The following GDPD4 variants were observed in gnomAD, a reference collection of about 807,000 sequenced individuals.
The protein encoded by GDPD4 is glycerophosphodiester phosphodiesterase 6.
A neutral mutation model predicts 67.8 loss-of-function variants in GDPD4; 60 were observed. The ratio of observed to expected loss-of-function variants is 0.88; its 90% CI spans 0.72 to 1.10. The LOEUF is 1.10. Ranked by LOEUF, GDPD4 falls within the 50% of genes least tolerant of loss-of-function variation. The probability of loss-of-function intolerance (pLI) is 0.00; values close to 1 mark genes in which losing one functional copy is unlikely to be tolerated. For missense variants in GDPD4, 623 were observed against 613.9 expected (o/e 1.01, Z -0.16); for synonymous variants, 212 against 210.9 (o/e 1.00, Z -0.04).
chr11:77,238,480 A>G (rs1366901833), intron 13 of GDPD4, among the ~76,000 whole-genome samples: 1 of 151,730 alleles, frequency 6.6e-6, no homozygotes, highest in Non-Finnish European at 1.5e-5. Context: ...GCTACTTGGG[A>G]GGCTGAGGCA....
chr11:77,299,121 C>T (rs1591590185), intron 1 of GDPD4, among the ~76,000 whole-genome samples: 1 of 152,166 alleles, frequency 6.6e-6, no homozygotes, highest in East Asian at 1.9e-4. Context: ...ACATTCCCAT[C>T]CTGGACCCTC....
At chr11:77,245,776 C>G (rs1157964962) in intron 11 of GDPD4, among the ~76,000 whole-genome samples, 2 of 152,174 alleles carry the variant, frequency 1.3e-5, no homozygotes, top group African/African-American at 2.4e-5. Flanking sequence ...CCAGCCTTCT[C>G]TCCCATAAGT....
At chr11:77,261,093 T>C (rs1265445767) in intron 10 of GDPD4, among the ~76,000 whole-genome samples, 1 of 152,230 alleles carries the variant, frequency 6.6e-6, no homozygotes, top group Non-Finnish European at 1.5e-5. Flanking sequence ...CAAATTCTCT[T>C]TCCATTTTTC....
intron 11 of GDPD4, among the ~76,000 whole-genome samples, chr11:77,253,495 G>A (rs1565524235): frequency 6.6e-6 from 1 of 152,170 alleles, no homozygotes; most frequent in African/African-American, 2.4e-5. Flanking sequence ...CAGCAGCTTA[G>A]ACTCTAGGGA....
chr11:77,222,080 A>T (rs1025134061), intron 16 of GDPD4, among the ~76,000 whole-genome samples: 1 of 152,112 alleles, frequency 6.6e-6, no homozygotes, highest in African/African-American at 2.4e-5. Flanking sequence ...TGCTTGGTAG[A>T]TCTTCCTCCC....
chr11:77,277,224 TAA>T (rs34429129), intron 4 of GDPD4, among the ~76,000 whole-genome samples: 61 of 134,710 alleles, frequency 4.5e-4, no homozygotes, highest in Non-Finnish European at 4.2e-4. Flanking sequence ...TTTCCCCATG[TAA>T]AAAAAAAAAA....
intron 15 of GDPD4, among the ~76,000 whole-genome samples, chr11:77,228,484 A>T (rs1361250742): frequency 7.8e-6 from 1 of 127,792 alleles, no homozygotes; most frequent in Non-Finnish European, 1.6e-5. Context: ...TGGGTGACAG[A>T]GCAAGACTCC....
intron 13 of GDPD4, among the ~76,000 whole-genome samples, chr11:77,241,638 TAA>T (rs36036994): frequency 1.6e-5 from 1 of 60,818 alleles, no homozygotes; most frequent in Non-Finnish European, 2.8e-5. Context: ...ACCCTGTCTT[TAA>T]AAAAAAAAAA....
chr11:77,251,960 A>G (rs540490164), intron 11 of GDPD4, among the ~76,000 whole-genome samples: 1 of 152,152 alleles, frequency 6.6e-6, no homozygotes, highest in African/African-American at 2.4e-5. Flanking sequence ...CTGCTGAAAC[A>G]AGTCTCTTGT....
chr11:77,225,892 A>G lies in GDPD4; in HGVS notation c.1525+1972T>C, dbSNP rs78169898. Among the ~76,000 whole-genome samples the G allele has an allele frequency of 2.5e-3, 381 of 152,256 alleles. 1 individual carries two copies. Among genetic ancestry groups the G allele is most frequent in the Non-Finnish European group, 3.4e-3 (234 of 68,018 alleles). ...ATGGCTGAGGTCCTGACTTCTGTCT[A>G]GTCTTCCTTGTTCCTTCCCTGATTC... On this transcript the variant is annotated intron_variant, in intron 16 of 16. Coordinates refer to ENST00000315938, the MANE Select transcript of GDPD4 (RefSeq NM_182833.3).
At chr11:77,233,446 GAAA>G (rs34507126) in intron 13 of GDPD4, among the ~76,000 whole-genome samples, 117 of 100,392 alleles carry the variant, frequency 1.2e-3, no homozygotes, top group Middle Eastern at 4.7e-3. Context: ...AAAACATATT[GAAA>G]AAAAAAAAAA....
chr11:77,285,165 G>T lies in GDPD4; in HGVS notation c.-28C>A. The T allele has an allele frequency of 6.3e-7, 1 of 1,580,634 alleles. No individual in the cohort carries two copies. The highest frequency in any genetic ancestry group is 8.7e-7 in the Non-Finnish European group (1 of 1,151,774). ...GAGACAAGACAAATGAAATTACCAGGCACGGCAAAATAATTGCTCTTTCTG... is the reference window on the plus strand; with the variant it reads ...GAGACAAGACAAATGAAATTACCAGTCACGGCAAAATAATTGCTCTTTCTG... On this transcript the variant is annotated 5_prime_UTR_variant, in exon 3 of 17. Transcript: ENST00000315938.
chr11:77,287,045 G>A (rs1322535124), intron 2 of GDPD4, 173 bp downstream of exon 2: 1 of 152,116 alleles, frequency 6.6e-6, no homozygotes, highest in African/African-American at 2.4e-5. Flanking sequence ...AGAAAATGAA[G>A]AAAGCAAGTA....
intron 10 of GDPD4, among the ~76,000 whole-genome samples, chr11:77,259,054 G>A (rs756260038): frequency 2.6e-5 from 4 of 151,950 alleles, no homozygotes; most frequent in Admixed American, 2.0e-4. Context: ...GCATGATCTC[G>A]GCTCACCACA....
In GDPD4 at chr11:77,240,944, G is replaced by C. The variant is rs528858130; in HGVS notation, c.1241+2750C>G. 3.3e-5 allele frequency among the ~76,000 whole-genome samples: 5 copies of C among 152,280 alleles called. No homozygotes were observed. In the South Asian group the frequency reaches 1.0e-3, roughly 32 times the overall value. On this transcript the variant is annotated intron_variant, in intron 13 of 16. Coordinates refer to ENST00000315938, the MANE Select transcript of GDPD4 (RefSeq NM_182833.3). ...GATAGTAAGTACTGGCAAGGATGTG[G>C]AGAAAAGGGAACTCTTACACACTGT...
In GDPD4 at chr11:77,243,798, A is replaced by G. The variant is rs1232889632; in HGVS notation, c.1137T>C (p.Pro379=). Residue 379 remains proline (P), a synonymous_variant, in exon 13 of 17, where the codon CCT becomes CCC. Transcript: ENST00000315938. ...CTAAACGGCCCACATGCTGAAAACC[A>G]GGAGCCACGGACCTGACGTATTGCC... ...HDRQYVRSVA[P]GFQHVGRLVS... is the part of the protein sequence containing the mutation. 5 of 1,613,786 alleles carry G rather than the reference A, an allele frequency of 3.1e-6. No homozygotes were observed. In the African/African-American group the frequency reaches 6.7e-5, roughly 22 times the overall value.
chr11:77,243,879 G>A lies in GDPD4; in HGVS notation c.1087-31C>T, dbSNP rs200553823. Reference sequence around the variant, plus strand: ...AGGAGAAACAAGAAGTCCCTCAGTAGATAATCAGCTATCCAGGTACGAACA... The same window carrying A: ...AGGAGAAACAAGAAGTCCCTCAGTAAATAATCAGCTATCCAGGTACGAACA... On this transcript the variant is annotated intron_variant, in intron 12 of 16. Transcript: ENST00000315938. 66 of 1,567,504 alleles carry A rather than the reference G, an allele frequency of 4.2e-5. No homozygotes were observed. The East Asian group carries it at 9.4e-4, about 22-fold the overall frequency.
At position 77,241,929 on chromosome 11, in the gene GDPD4, C is replaced by T. The variant is rs182040649; in HGVS notation, c.1241+1765G>A. 5.3e-3 allele frequency among the ~76,000 whole-genome samples: 799 copies of T among 151,082 alleles called. 1 individual carries two copies. The highest frequency in any genetic ancestry group is 8.7e-3 in the Non-Finnish European group (592 of 67,830). ...GCCTGGTGACAGAGCGAGACTCTGT[C>T]TCAAAAAAAAAATAAATAAATAAGT... On this transcript the variant is annotated intron_variant, in intron 13 of 16. Coordinates refer to ENST00000315938, the MANE Select transcript of GDPD4 (RefSeq NM_182833.3).
chr11:77,267,594 T>C (rs1342795877), intron 10 of GDPD4, among the ~76,000 whole-genome samples: 1 of 152,044 alleles, frequency 6.6e-6, no homozygotes, highest in African/African-American at 2.4e-5. Context: ...CTGTATATTC[T>C]CTTCAGTGAC....
Sources: allele counts gnomAD v4.1 joint callset (sites outside exome capture counted in the v4.1 genomes callset), GRCh38; gene constraint gnomAD v4.1.1; transcripts MANE v1.5; gene names NCBI Gene and HGNC (gene_info 2026-07-23, HGNC 2026-07-21).